MICAL3: variants seen among roughly 807,000 people sequenced by gnomAD.
MICAL3 encodes microtubule associated monooxygenase, calponin and LIM domain containing 3, also known as [F-actin]-monooxygenase MICAL3.
Under a neutral mutation model 207.4 loss-of-function variants are expected in MICAL3, and 62 were observed. The observed-to-expected ratio is 0.30, with a 90% CI of 0.24 to 0.37. MICAL3 has a LOEUF of 0.37. Among genes scored for constraint, MICAL3 ranks in the 10% least tolerant of loss-of-function variants. MICAL3 has a pLI of 1.00. For missense variants in MICAL3, 2,368 were observed against 2,635.6 expected, an observed-to-expected ratio of 0.90 and a Z score of 2.22; for synonymous variants, 1,077 against 1,069.3, an observed-to-expected ratio of 1.01 and a Z score of -0.14.
Position 17,929,724 on chromosome 22 carries a change from C to T in MICAL3, c.-74-22838G>A, listed in dbSNP as rs181833501. ...CTGGGACTACAGATGCCCGCCACCA[C>T]GCCTGGCTAATTTTTTGTATTTTTA... is the stretch of plus-strand genomic sequence containing the variant. On this transcript the variant is annotated intron_variant, in intron 1 of 31. Transcript: ENST00000441493. Among the ~76,000 whole-genome samples the T allele has an allele frequency of 5.6e-3, 852 of 152,048 alleles. 7 individuals are homozygous for T. Among genetic ancestry groups the T allele is most frequent in the African/African-American group, 0.019 (801 of 41,488 alleles).
At chr22:17,920,444 CG>C (rs1376436075) in intron 1 of MICAL3, among the ~76,000 whole-genome samples, 2 of 152,148 alleles carry the variant, frequency 1.3e-5, no homozygotes, top group East Asian at 3.9e-4. Flanking sequence ...CTGAGGGTGA[CG>C]GTGGCTTTCA....
At chr22:18,015,422 C>CTTTTTT (rs34098867) in intron 1 of MICAL3, among the ~76,000 whole-genome samples, 130 of 105,570 alleles carry the variant, frequency 1.2e-3, no homozygotes, top group Non-Finnish European at 1.6e-3. Context: ...TAAGACTCAT[C>CTTTTTT]TTTTTTTTTT....
At chr22:17,821,290 G>T in intron 25 of MICAL3, 137 bp downstream of exon 25, 1 of 676,558 alleles carries the variant, frequency 1.5e-6, no homozygotes, top group South Asian at 2.1e-5. Context: ...GTCTTCCTCA[G>T]AATGAGGAGG....
intron 22 of MICAL3, among the ~76,000 whole-genome samples, chr22:17,826,172 T>C (rs1922159919): frequency 6.6e-6 from 1 of 151,346 alleles, no homozygotes; most frequent in South Asian, 2.1e-4. Context: ...GCCAAAAACG[T>C]TCCTTTGGCT....
intron 1 of MICAL3, among the ~76,000 whole-genome samples, chr22:17,929,563 CTTTTCTTTTTT>C (rs1933127202): frequency 1.0e-5 from 1 of 95,610 alleles, no homozygotes; most frequent in Non-Finnish European, 2.1e-5. Context: ...CTTTCCTTTT[CTTTTCTTTTTT>C]TTTTTTTTTT....
chr22:17,836,412 T>C (rs1923372178), intron 20 of MICAL3, among the ~76,000 whole-genome samples: 1 of 152,130 alleles, frequency 6.6e-6, no homozygotes, highest in Non-Finnish European at 1.5e-5. Flanking sequence ...TAAGGAGAAG[T>C]CGGGATTCCC....
Position 17,821,484 on chromosome 22 carries a change from G to A in MICAL3, c.3474C>T (p.Ile1158=). The stretch of plus-strand genomic sequence containing the variant: ...GAAGAGCTGATTCCTGGGGAGACCG[G>A]ATGGGGCTGGTGGCTTGGGAGGGAC... The part of the protein sequence containing the change: ...ERGPSQATSP[I]RSPQESALLF... Residue 1158 remains isoleucine, a synonymous_variant, in exon 25 of 32, where the codon ATC becomes ATT. Transcript: ENST00000441493. 6.5e-7 allele frequency: 1 copy of A among 1,542,666 alleles called. No homozygotes were observed. The highest frequency in any genetic ancestry group is 8.7e-7 in the Non-Finnish European group (1 of 1,145,164).
intron 29 of MICAL3, among the ~76,000 whole-genome samples, chr22:17,805,303 G>A (rs1430609471): frequency 6.6e-6 from 1 of 152,242 alleles, no homozygotes; most frequent in Non-Finnish European, 1.5e-5. Flanking sequence ...GCAGCAGCAC[G>A]CACACCTGGG....
chr22:17,976,117 T>C (rs534714470), intron 1 of MICAL3, among the ~76,000 whole-genome samples: 33 of 152,264 alleles, frequency 2.2e-4, no homozygotes, highest in Middle Eastern at 3.4e-3. Context: ...CATCAGTATG[T>C]AAGTTAAATG....
rs1930395737 is a variant in MICAL3, at chr22:17,891,573, C to T, written c.1606G>A (p.Ala536Thr). The change falls in exon 12 of 32, where the codon GCA becomes ACA. Residue 536 changes from alanine to threonine, a missense_variant. By Grantham distance (58) the Ala-to-Thr change is moderately conservative. This residue lies in a region of MICAL3 where 51 missense variants were observed against 87.8 expected (regional missense o/e 0.58). Coordinates refer to ENST00000441493, the MANE Select transcript of MICAL3 (RefSeq NM_015241.3). ...GTGAGATCTGTCACGTTTACCCCTG[C>T]ATAGCCATCTGTCTGCCTCTGGCAC... ...GWCQRQTDGY[A>T]GVNVTDLTMS... 1 of 1,613,872 alleles carries T rather than the reference C, an allele frequency of 6.2e-7. No homozygotes were observed. Among genetic ancestry groups the T allele is most frequent in the Admixed American group, 1.7e-5 (1 of 60,018 alleles).
At chr22:17,865,801 C>A in intron 18 of MICAL3, 123 bp downstream of exon 18, 3 of 755,902 alleles carry the variant, frequency 4.0e-6, no homozygotes, top group East Asian at 2.6e-5. Flanking sequence ...GCATTTCGGG[C>A]CCTCCCCGTT....
At position 17,817,434 on chromosome 22, in the gene MICAL3, C is replaced by T. The variant is rs186055762; in HGVS notation, c.5227G>A (p.Val1743Ile). The T allele has an allele frequency of 7.4e-6, 12 of 1,613,556 alleles. No individual in the cohort carries two copies. The highest frequency in any genetic ancestry group is 2.7e-5 in the African/African-American group (2 of 74,918). The part of the protein sequence containing the change: ...AAKPKSLWKS[V>I]FSGYKKDKKK... ...TTGTCCTTCTTGTACCCGGAGAAGA[C>T]GGACTTCCACAGGGACTTGGGTTTG... Residue 1743 changes from valine (V) to isoleucine (I), a missense_variant, in exon 26 of 32, where the codon GTC becomes ATC. Val to Ile is a conservative substitution (Grantham distance 29). Transcript: ENST00000441493.
intron 1 of MICAL3, among the ~76,000 whole-genome samples, chr22:17,922,570 T>C (rs1932825896): frequency 6.6e-6 from 1 of 152,164 alleles, no homozygotes; most frequent in African/African-American, 2.4e-5. Flanking sequence ...GTCACTGGTA[T>C]TATGATGTTG....
chr22:18,018,354 G>A (rs1040272175), intron 1 of MICAL3, among the ~76,000 whole-genome samples: 9 of 152,072 alleles, frequency 5.9e-5, no homozygotes, highest in African/African-American at 1.7e-4. Context: ...TCAAGGTAAC[G>A]ACTTTAAAAG....
chr22:17,899,301 T>TCTGGA (rs71284917), intron 7 of MICAL3, 147 bp downstream of exon 7: 2 of 711,770 alleles, frequency 2.8e-6, no homozygotes, highest in Non-Finnish European at 5.2e-6. Flanking sequence ...TTGTTCACGC[T>TCTGGA]AAACTGGAAA....
In MICAL3 at chr22:17,826,534, G is replaced by A. The variant is rs887489618; in HGVS notation, c.3193+1110C>T. ...GTCGGGCACTGAATTTAAAACAGAC[G>A]ACAAATACAAAGTTACACAGCAATA... On this transcript the variant is annotated intron_variant, in intron 22 of 31. Transcript: ENST00000441493. 5.4e-5 allele frequency: 53 copies of A among 984,644 alleles called. 2 individuals are homozygous for A. The South Asian group carries it at 2.2e-3, about 41-fold the overall frequency. The allele number at this position is 984,644 out of a possible 1,614,324, so 61.0% of individuals were successfully genotyped here. A position where few individuals can be genotyped will look rare whatever the true frequency, so the allele number is the denominator to read the frequency against.
chr22:17,957,470 G>A (rs1010167584), intron 1 of MICAL3, among the ~76,000 whole-genome samples: 2 of 152,192 alleles, frequency 1.3e-5, no homozygotes, highest in Non-Finnish European at 2.9e-5. Flanking sequence ...TATAATCCCA[G>A]CACTTTGGGA....
At chr22:17,971,827 G>C (rs1404947286) in intron 1 of MICAL3, among the ~76,000 whole-genome samples, 5 of 152,254 alleles carry the variant, frequency 3.3e-5, no homozygotes, top group Non-Finnish European at 7.3e-5. Context: ...GACCCGGGAG[G>C]GAGGATGCCC....
chr22:17,868,546 A>G (rs1050036311), intron 17 of MICAL3, among the ~76,000 whole-genome samples: 3 of 152,158 alleles, frequency 2.0e-5, no homozygotes, highest in Non-Finnish European at 4.4e-5. Flanking sequence ...CTGGTGCCAG[A>G]GCCTGCACTA....
Sources: gnomAD v4.1 joint callset for allele counts (sites outside exome capture counted in the v4.1 genomes callset) on GRCh38, gnomAD v4.1.1 for gene constraint, gnomAD v4.1.1 regional missense constraint, MANE v1.5 for transcripts, NCBI Gene and HGNC (gene_info 2026-07-23, HGNC 2026-07-21) for gene names.